Variants in NUAK1 observed in about 807,000 individuals in gnomAD.
NUAK1 encodes the protein NUAK family SNF1-like kinase 1.
A neutral mutation model predicts 56.9 loss-of-function variants in NUAK1; 26 were observed. The observed-to-expected ratio is 0.46, with a 90% CI of 0.33 to 0.63. The LOEUF is 0.63. NUAK1 is among the 30% of genes least tolerant of loss of function. The pLI is 0.02. For synonymous variants in NUAK1, 337 were observed against 336.0 expected (o/e 1.00, Z -0.03); for missense variants, 727 against 876.1 (o/e 0.83, Z 2.15).
intron 2 of NUAK1, among the ~76,000 whole-genome samples, chr12:106,096,026 A>G (rs548992393): frequency 2.0e-5 from 3 of 152,186 alleles, no homozygotes; most frequent in Non-Finnish European, 4.4e-5. Context: ...ACTGTTGTAC[A>G]TGGCCATTGT....
intron 4 of NUAK1, among the ~76,000 whole-genome samples, chr12:106,079,787 G>A (rs2032498181): frequency 6.6e-6 from 1 of 152,186 alleles, no homozygotes; most frequent in South Asian, 2.1e-4. Flanking sequence ...ACTAGAGCAG[G>A]TACCTTCTCT....
chr12:106,122,164 C>T (rs1449345408), intron 1 of NUAK1, among the ~76,000 whole-genome samples: 1 of 152,066 alleles, frequency 6.6e-6, no homozygotes, highest in Non-Finnish European at 1.5e-5. Flanking sequence ...ATTTGTAGAC[C>T]AACAGTGCTC....
intron 2 of NUAK1, among the ~76,000 whole-genome samples, chr12:106,101,401 G>A (rs375533887): frequency 3.9e-5 from 6 of 152,286 alleles, no homozygotes; most frequent in African/African-American, 4.8e-5. Context: ...ACTTCAGAAC[G>A]TGACCCTATT....
intron 1 of NUAK1, among the ~76,000 whole-genome samples, chr12:106,113,601 AC>A (rs1197424026): frequency 6.6e-6 from 1 of 151,188 alleles, no homozygotes; most frequent in Non-Finnish European, 1.5e-5. Context: ...GAGAGCAGTC[AC>A]CTTAAAGCAG....
At position 106,086,806 on chromosome 12, in the gene NUAK1, C is replaced by CTGTAAT; in HGVS notation, c.440_441insATTACA (p.Arg147_Arg148insLeuGln). On this transcript the variant is annotated inframe_insertion, in exon 3 of 7. Transcript: ENST00000261402. ...GGGTCTCCCTCTCACTGAGGCGTCG[C>CTGTAAT]CGCTCACTGATGTAATCGTACAGCT... 1 of 1,614,168 alleles carries CTGTAAT rather than the reference C, an allele frequency of 6.2e-7. No individual in the cohort carries two copies.
intron 6 of NUAK1, among the ~76,000 whole-genome samples, chr12:106,070,531 G>A (rs1485224577): frequency 6.6e-6 from 1 of 152,120 alleles, no homozygotes; most frequent in Non-Finnish European, 1.5e-5. Flanking sequence ...TAAGTGACTT[G>A]TCCAGATCCA....
intron 2 of NUAK1, 109 bp from the exon 3 acceptor site, chr12:106,086,994 G>A (rs1321870542): frequency 1.9e-5 from 26 of 1,384,216 alleles, no homozygotes; most frequent in Admixed American, 1.3e-4. Context: ...GCAGAGGATC[G>A]ACTGATGGGT....
At chr12:106,075,312 CACACACAG>C (rs1019717923) in intron 4 of NUAK1, among the ~76,000 whole-genome samples, 2 of 151,130 alleles carry the variant, frequency 1.3e-5, no homozygotes, top group African/African-American at 4.9e-5. Context: ...CACACACACA[CACACACAG>C]AGAGAGAGAG....
chr12:106,067,811 G>A lies in NUAK1; in HGVS notation c.977C>T (p.Pro326Leu), dbSNP rs1364841523. ...CCAGTCAATGATCCGAGCCAGGAGT[G>A]GGGACTCAGAGTCATGGAGGGCATC... ...DCDALHDSES[P>L]LLARIIDWHH... is the part of the protein sequence containing the mutation. The change falls in exon 7 of 7, where the codon CCA (proline) becomes CTA (leucine). Residue 326 changes from proline (P) to leucine (L), a missense_variant. By Grantham distance (98) the Pro-to-Leu change is moderately conservative. Transcript: ENST00000261402. The surrounding 1 kb of genome is among the most constrained non-coding windows in gnomAD (Gnocchi z 6.0). The A allele has an allele frequency of 5.0e-6, 8 of 1,614,118 alleles. No individual in the cohort carries two copies. Among genetic ancestry groups the A allele is most frequent in the Admixed American group, 1.7e-5 (1 of 60,012 alleles).
chr12:106,075,780 T>C (rs1234085449), intron 4 of NUAK1, among the ~76,000 whole-genome samples: 1 of 152,240 alleles, frequency 6.6e-6, no homozygotes, highest in Non-Finnish European at 1.5e-5. Context: ...TTCAGTTCTT[T>C]GGATTAAGTC....
chr12:106,126,238 G>A (rs897598049), intron 1 of NUAK1, among the ~76,000 whole-genome samples: 4 of 152,170 alleles, frequency 2.6e-5, no homozygotes, highest in Admixed American at 6.5e-5. Flanking sequence ...ATCAAGAGGT[G>A]GGTGAACTCA....
At chr12:106,082,086 T>C (rs1446335020) in intron 4 of NUAK1, among the ~76,000 whole-genome samples, 1 of 151,388 alleles carries the variant, frequency 6.6e-6, no homozygotes, top group African/African-American at 2.4e-5. Context: ...TAAGCATGAA[T>C]TGCTTTGATT....
At chr12:106,102,684 T>C (rs1216020234) in intron 2 of NUAK1, among the ~76,000 whole-genome samples, 2 of 152,172 alleles carry the variant, frequency 1.3e-5, no homozygotes, top group Non-Finnish European at 2.9e-5. Flanking sequence ...GATACATGTA[T>C]CATGCCATTT....
chr12:106,135,547 C>T (rs2033120932), intron 1 of NUAK1, among the ~76,000 whole-genome samples: 1 of 152,240 alleles, frequency 6.6e-6, no homozygotes, highest in Non-Finnish European at 1.5e-5. Flanking sequence ...AGAACCCCTG[C>T]TTTCAACAGG....
intron 1 of NUAK1, among the ~76,000 whole-genome samples, chr12:106,132,986 T>G (rs1021072185): frequency 6.6e-6 from 1 of 152,216 alleles, no homozygotes; most frequent in Non-Finnish European, 1.5e-5. Flanking sequence ...AGTCAGGTTC[T>G]TCATCTAGAA....
chr12:106,085,160 T>C (rs568106068), intron 3 of NUAK1, among the ~76,000 whole-genome samples: 33 of 152,224 alleles, frequency 2.2e-4, no homozygotes, highest in Non-Finnish European at 3.1e-4. Flanking sequence ...TTGGTTTACA[T>C]TGCTGCATTC....
chr12:106,093,892 A>G (rs930095766), intron 2 of NUAK1, among the ~76,000 whole-genome samples: 1 of 152,036 alleles, frequency 6.6e-6, no homozygotes, highest in African/African-American at 2.4e-5. Context: ...TCCGCCTCCC[A>G]GGCTTAAGTG....
At chr12:106,124,934 T>G (rs2033011368) in intron 1 of NUAK1, among the ~76,000 whole-genome samples, 1 of 151,478 alleles carries the variant, frequency 6.6e-6, no homozygotes. Context: ...GAGGTGGAGG[T>G]TGCAATGAGC....
chr12:106,124,705 C>T (rs1191112749), intron 1 of NUAK1, among the ~76,000 whole-genome samples: 1 of 152,128 alleles, frequency 6.6e-6, no homozygotes, highest in Non-Finnish European at 1.5e-5. Flanking sequence ...ACAGAAAATG[C>T]AATCAATAAA....
Sources: allele counts gnomAD v4.1 joint callset (sites outside exome capture counted in the v4.1 genomes callset), GRCh38; gene constraint gnomAD v4.1.1; non-coding constraint Gnocchi (gnomAD v3.1); transcripts MANE v1.5; gene names NCBI Gene and HGNC (gene_info 2026-07-23, HGNC 2026-07-21).